Variants in PCOLCE observed in about 807,000 individuals in gnomAD.
PCOLCE encodes procollagen C-endopeptidase enhancer, also known as procollagen C-endopeptidase enhancer 1.
A neutral mutation model predicts 47.2 loss-of-function variants in PCOLCE; 33 were observed. That is an observed-to-expected ratio of 0.70 (90% CI 0.53 to 0.93). PCOLCE has a LOEUF of 0.93. Among genes scored for constraint, PCOLCE ranks in the 40% least tolerant of loss-of-function variants. The pLI is 0.00. For missense variants in PCOLCE, 584 were observed against 585.3 expected (o/e 1.00, Z 0.02); for synonymous variants, 254 against 252.5 (o/e 1.01, Z -0.06).
intron 2 of PCOLCE, 39 bp from the exon 3 acceptor site, chr7:100,603,920 C>A: frequency 1.9e-6 from 3 of 1,590,382 alleles, no homozygotes; most frequent in Non-Finnish European, 2.6e-6. Context: ...TTGTGTGGGG[C>A]CTGACTCTGT....
At position 100,606,569 on chromosome 7, in the gene PCOLCE, A is replaced by G; in HGVS notation, c.879A>G (p.Lys293=). ...GCCCCAAACGGGGAACTGAGCCTAA[A>G]GTCAAGCTGCCCCCCAAGTCCCAAC... ...GPGPKRGTEP[K]VKLPPKSQPP... is the part of the protein sequence containing the mutation. The change falls in exon 6 of 9, where the codon AAA becomes AAG. Residue 293 remains lysine, a synonymous_variant. Coordinates refer to ENST00000223061, the MANE Select transcript of PCOLCE (RefSeq NM_002593.4). 6.2e-7 allele frequency: 1 copy of G among 1,614,094 alleles called. No individual in the cohort carries two copies. The highest frequency in any genetic ancestry group is 8.5e-7 in the Non-Finnish European group (1 of 1,179,904).
In PCOLCE at chr7:100,606,664, A is replaced by G. The variant is rs769260568; in HGVS notation, c.940+34A>G. ...GGGATAGGGGAGGAAGGGGAAACAG[A>G]CTGAAGGGGGCCATTTCAAAAAGTT... On this transcript the variant is annotated intron_variant, in intron 6 of 8. Transcript: ENST00000223061. 4 of 1,512,708 alleles carry G rather than the reference A, an allele frequency of 2.6e-6. No homozygotes were observed. In the Admixed American group the frequency reaches 6.0e-5, roughly 23 times the overall value. 93.7% of individuals were successfully genotyped at this position (1,512,708 alleles called of 1,614,324 possible).
intron 1 of PCOLCE, chr7:100,603,139 G>T (rs1802643165): frequency 6.0e-6 from 2 of 335,180 alleles, no homozygotes; most frequent in South Asian, 1.3e-4. Context: ...GAGTCTGGAA[G>T]GGGGGCCGAG....
At position 100,606,578 on chromosome 7, in the gene PCOLCE, GC is replaced by G. The variant is rs755349242; in HGVS notation, c.894del (p.Lys299SerfsTer41). The G allele has an allele frequency of 2.7e-5, 43 of 1,613,788 alleles. No homozygotes were observed. Among genetic ancestry groups the G allele is most frequent in the Non-Finnish European group, 3.5e-5 (41 of 1,179,818 alleles). ...GGGGAACTGAGCCTAAAGTCAAGCT[GC>G]CCCCCAAGTCCCAACCTCCGGAGAA... ...KRGTEPKVKL[P>X]PKSQPPEKTE... is the part of the protein sequence containing the mutation. On this transcript the variant is annotated frameshift_variant, in exon 6 of 9. Coordinates refer to ENST00000223061, the MANE Select transcript of PCOLCE (RefSeq NM_002593.4). LOFTEE classifies it high-confidence loss of function.
chr7:100,605,353 C>T lies in PCOLCE; in HGVS notation c.588+138C>T. ...GGTGGGCACCCAAAACAGCCCCAAC[C>T]CCTGCATGCACGCAAACAAAAATGT... On this transcript the variant is annotated intron_variant, in intron 4 of 8. Coordinates refer to ENST00000223061, the MANE Select transcript of PCOLCE (RefSeq NM_002593.4). This position sits in a 1 kb window ranked among gnomAD's most constrained non-coding sequence, Gnocchi z 6.1. 1 of 834,798 alleles carries T rather than the reference C, an allele frequency of 1.2e-6. No individual in the cohort carries two copies. The allele number at this position is 834,798 out of a possible 1,614,324, so 51.7% of individuals were successfully genotyped here. A position where few individuals can be genotyped will look rare whatever the true frequency, so the allele number is the denominator to read the frequency against.
At chr7:100,607,902 A>C (rs1159622544) in intron 8 of PCOLCE, 35 bp from the exon 9 acceptor site, 1 of 1,613,222 alleles carries the variant, frequency 6.2e-7, no homozygotes, top group Non-Finnish European at 8.5e-7. Flanking sequence ...AGGTCTCAAG[A>C]ATAAGAGATC....
rs939793495 is a variant in PCOLCE at position 100,604,431 on chromosome 7, C to T, written c.463+214C>T. On this transcript the variant is annotated intron_variant, in intron 3 of 8. Coordinates refer to ENST00000223061, the MANE Select transcript of PCOLCE (RefSeq NM_002593.4). This position sits in a 1 kb window ranked among gnomAD's most constrained non-coding sequence, Gnocchi z 6.4. ...CACCCACCCATCCCTCTTCCAGGGCCCCCCCCAGGCGCGAGGCGGAAATGG... is the reference window on the plus strand; with the variant it reads ...CACCCACCCATCCCTCTTCCAGGGCTCCCCCCAGGCGCGAGGCGGAAATGG... 4 of 632,490 alleles carry T rather than the reference C, an allele frequency of 6.3e-6. No individual in the cohort carries two copies. Among genetic ancestry groups the T allele is most frequent in the Middle Eastern group, 2.5e-4 (1 of 3,974 alleles). The allele number at this position is 632,490 out of a possible 1,614,324, so 39.2% of individuals were successfully genotyped here. A position where few individuals can be genotyped will look rare whatever the true frequency, so the allele number is the denominator to read the frequency against.
intron 1 of PCOLCE, 143 bp from the exon 2 acceptor site, chr7:100,603,287 G>T: frequency 3.7e-6 from 2 of 543,392 alleles, no homozygotes; most frequent in South Asian, 5.1e-5. Flanking sequence ...GGTGGAAGCT[G>T]CCCCAGGTCT....
At chr7:100,603,845 C>A in intron 2 of PCOLCE, 114 bp from the exon 3 acceptor site, 4 of 1,225,598 alleles carry the variant, frequency 3.3e-6, no homozygotes, top group East Asian at 2.3e-5. Context: ...CACATGGAGG[C>A]CCCTTCCCAT....
chr7:100,605,706 C>T lies in PCOLCE; in HGVS notation c.619C>T (p.Leu207=). The change falls in exon 5 of 9, where the codon CTG becomes TTG. Residue 207 remains leucine (L), a synonymous_variant. Transcript: ENST00000223061. The surrounding 1 kb of genome is among the most constrained non-coding windows in gnomAD (Gnocchi z 6.1). ...VIALTFEKFD[L]EPDTYCRYDS... ...CGCGCTGACCTTCGAGAAGTTTGAC[C>T]TGGAGCCGGACACCTACTGCCGCTA... is the stretch of plus-strand genomic sequence containing the variant. 1 of 1,581,658 alleles carries T rather than the reference C, an allele frequency of 6.3e-7. No homozygotes were observed. The highest frequency in any genetic ancestry group is 1.3e-5 in the African/African-American group (1 of 74,356).
Position 100,605,939 on chromosome 7 carries a change from AGCAGGTTGGAGGCCAG to A in PCOLCE, c.725+131_725+146del. 3.7e-6 allele frequency: 4 copies of A among 1,080,520 alleles called. No homozygotes were observed. Among genetic ancestry groups the A allele is most frequent in the Non-Finnish European group, 5.2e-6 (4 of 762,392 alleles). The allele number at this position is 1,080,520 out of a possible 1,614,324, so 66.9% of individuals were successfully genotyped here. A position where few individuals can be genotyped will look rare whatever the true frequency, so the allele number is the denominator to read the frequency against. ...CCCAGGGCTCCAAACCGGCGAGGGG[AGCAGGTTGGAGGCCAG>A]GCAAAGAGGAGATTTGGCCCCGGGT... On this transcript the variant is annotated intron_variant, in intron 5 of 8. Transcript: ENST00000223061. This position sits in a 1 kb window ranked among gnomAD's most constrained non-coding sequence, Gnocchi z 6.1.
rs1052671652 is a variant in PCOLCE, at chr7:100,603,617, C to T, written c.204+79C>T. 3.5e-4 allele frequency: 209 copies of T among 597,082 alleles called. 1 individual carries two copies. In the African/African-American group the frequency reaches 4.3e-3, roughly 12 times the overall value. 37.0% of individuals were successfully genotyped at this position (597,082 alleles called of 1,614,324 possible). A position where few individuals can be genotyped will look rare whatever the true frequency, so the allele number is the denominator to read the frequency against. On this transcript the variant is annotated intron_variant, in intron 2 of 8. Transcript: ENST00000223061. The stretch of plus-strand genomic sequence containing the variant: ...CCTGACTGCGAAGGGACCCCCCCCC[C>T]GTCCCCCCCGCACCACCTTCTCAAC...
Position 100,605,485 on chromosome 7 carries a change from G to A in PCOLCE, c.589-191G>A, listed in dbSNP as rs952666833. On this transcript the variant is annotated intron_variant, in intron 4 of 8. Transcript: ENST00000223061. The surrounding 1 kb of genome is among the most constrained non-coding windows in gnomAD (Gnocchi z 6.1). ...GCCAGGACTTGACCTTGCCAACCAC[G>A]ACGACCGACACCCCTGCAGGGTCCC... 4 of 733,550 alleles carry A rather than the reference G, an allele frequency of 5.5e-6. No homozygotes were observed. Among genetic ancestry groups the A allele is most frequent in the African/African-American group, 5.3e-5 (3 of 56,258 alleles). 45.4% of individuals were successfully genotyped at this position (733,550 alleles called of 1,614,324 possible).
chr7:100,604,422 T>G lies in PCOLCE; in HGVS notation c.463+205T>G. 6 of 610,664 alleles carry G rather than the reference T, an allele frequency of 9.8e-6. No homozygotes were observed. Among genetic ancestry groups the G allele is most frequent in the Admixed American group, 2.8e-5 (1 of 36,318 alleles). 37.8% of individuals were successfully genotyped at this position (610,664 alleles called of 1,614,324 possible). On this transcript the variant is annotated intron_variant, in intron 3 of 8. Coordinates refer to ENST00000223061, the MANE Select transcript of PCOLCE (RefSeq NM_002593.4). This position sits in a 1 kb window ranked among gnomAD's most constrained non-coding sequence, Gnocchi z 6.4. ...CTCCTCCCGCACCCACCCATCCCTCTTCCAGGGCCCCCCCCAGGCGCGAGG... is the reference window on the plus strand; with the variant it reads ...CTCCTCCCGCACCCACCCATCCCTCGTCCAGGGCCCCCCCCAGGCGCGAGG...
Position 100,604,303 on chromosome 7 carries a change from C to T in PCOLCE, c.463+86C>T. 7.9e-7 allele frequency: 1 copy of T among 1,272,404 alleles called. No individual in the cohort carries two copies. The highest frequency in any genetic ancestry group is 1.1e-6 in the Non-Finnish European group (1 of 928,088). 78.8% of individuals were successfully genotyped at this position (1,272,404 alleles called of 1,614,324 possible). ...CCCCCAGCCCTAACCTCCGCCCCGCCCACCCCGCGCCCCAGTGCCTAGGGC... is the reference window on the plus strand; with the variant it reads ...CCCCCAGCCCTAACCTCCGCCCCGCTCACCCCGCGCCCCAGTGCCTAGGGC... On this transcript the variant is annotated intron_variant, in intron 3 of 8. Transcript: ENST00000223061. The surrounding 1 kb of genome is among the most constrained non-coding windows in gnomAD (Gnocchi z 6.4).
intron 2 of PCOLCE, 124 bp downstream of exon 2, chr7:100,603,662 C>T (rs1457590144): frequency 2.0e-6 from 1 of 497,600 alleles, no homozygotes; most frequent in Non-Finnish European, 3.7e-6. Context: ...CTCCAAGTGT[C>T]TTCCCTCTGT....
In PCOLCE at chr7:100,605,117, G is replaced by A. The variant is rs139088599; in HGVS notation, c.490G>A (p.Glu164Lys). 1.4e-5 allele frequency: 23 copies of A among 1,612,414 alleles called. No individual in the cohort carries two copies. Among genetic ancestry groups the A allele is most frequent in the Non-Finnish European group, 1.8e-5 (21 of 1,179,504 alleles). ...GCACCAATTTTGCGGGGGGCGGCTG[G>A]AGAAGGCCCAGGGAACCCTGACCAC... Reference protein sequence around the residue: ...TEHQFCGGRLEKAQGTLTTPN... With the variant: ...TEHQFCGGRLKKAQGTLTTPN... Residue 164 changes from glutamate (E) to lysine (K), a missense_variant, in exon 4 of 9, where the codon GAG becomes AAG. By Grantham distance (56) the Glu-to-Lys change is moderately conservative. Coordinates refer to ENST00000223061, the MANE Select transcript of PCOLCE (RefSeq NM_002593.4). This position sits in a 1 kb window ranked among gnomAD's most constrained non-coding sequence, Gnocchi z 6.1.
chr7:100,604,196 G>A lies in PCOLCE; in HGVS notation c.442G>A (p.Gly148Arg). The A allele has an allele frequency of 6.2e-7, 1 of 1,612,282 alleles. No homozygotes were observed. Among genetic ancestry groups the A allele is most frequent in the Non-Finnish European group, 8.5e-7 (1 of 1,179,884 alleles). Residue 148 changes from glycine (G) to arginine (R), a missense_variant, in exon 3 of 9, where the codon GGG (glycine) becomes AGG (arginine). By Grantham distance (125) the Gly-to-Arg change is moderately radical (BLOSUM62 -2). Transcript: ENST00000223061. This position sits in a 1 kb window ranked among gnomAD's most constrained non-coding sequence, Gnocchi z 6.4. ...ACGAGGCTTCCTGCTCTGGTACAGC[G>A]GGCGGGCCACCTCGGGCACTGGTGA... The part of the protein sequence containing the change: ...GGRGFLLWYS[G>R]RATSGTEHQF...
rs1802717585 is a variant in PCOLCE, at chr7:100,606,438, GA to G, written c.750del (p.Glu250AspfsTer90). ...VPGSISSEGNELLVQFVSDLS... is the reference protein window; with the variant it reads ...VPGSISSEGNXLLVQFVSDLS... ...CAGCTCCATCTCCTCCGAAGGGAAT[GA>G]ACTCCTCGTCCAGTTCGTCTCAGAT... On this transcript the variant is annotated frameshift_variant, in exon 6 of 9. Transcript: ENST00000223061. LOFTEE classifies it high-confidence loss of function. 1 of 1,613,804 alleles carries G rather than the reference GA, an allele frequency of 6.2e-7. No homozygotes were observed. Among genetic ancestry groups the G allele is most frequent in the Non-Finnish European group, 8.5e-7 (1 of 1,179,844 alleles).
Sources: allele counts gnomAD v4.1 joint callset, GRCh38; gene constraint gnomAD v4.1.1; non-coding constraint Gnocchi (gnomAD v3.1); transcripts MANE v1.5; gene names NCBI Gene and HGNC (gene_info 2026-07-23, HGNC 2026-07-21).